CUL1: variants seen among roughly 807,000 people sequenced by gnomAD.
The protein encoded by CUL1 is cullin-1.
CUL1 carries 24 observed loss-of-function variants against 118.0 expected under a neutral mutation model. The ratio of observed to expected loss-of-function variants is 0.20; its 90% CI spans 0.15 to 0.29. The LOEUF (loss-of-function observed/expected upper bound fraction) is 0.29, where lower values mean the gene tolerates loss of function less well. CUL1 is among the 10% of genes least tolerant of loss of function. The pLI, the probability that CUL1 is intolerant of heterozygous loss-of-function variation, is 1.00. For synonymous variants in CUL1, 332 were observed against 340.4 expected, an observed-to-expected ratio of 0.98 and a Z score of 0.27; for missense variants, 361 against 933.8, an observed-to-expected ratio of 0.39 and a Z score of 7.99.
intron 2 of CUL1, among the ~76,000 whole-genome samples, chr7:148,731,504 T>C (rs1343109942): frequency 6.6e-6 from 1 of 152,224 alleles, no homozygotes; most frequent in Non-Finnish European, 1.5e-5. Context: ...ACATATAGAA[T>C]ACTTTTAAAA....
intron 1 of CUL1, among the ~76,000 whole-genome samples, chr7:148,710,513 G>A (rs1015416530): frequency 1.3e-5 from 2 of 152,148 alleles, no homozygotes; most frequent in African/African-American, 2.4e-5. Flanking sequence ...AGGTTGTGGC[G>A]AGCCGAGATC....
intron 1 of CUL1, among the ~76,000 whole-genome samples, chr7:148,728,945 T>C (rs1798670047): frequency 6.6e-6 from 1 of 152,240 alleles, no homozygotes; most frequent in Non-Finnish European, 1.5e-5. Flanking sequence ...TCTCGTTTAC[T>C]TCCCAATAAC....
chr7:148,765,309 C>T lies in CUL1; in HGVS notation c.790-1252C>T, dbSNP rs541308825. ...TGATTCATTACCAGTTGAATTTTTC[C>T]AGATTTCTCCAAAATTATACCAAAT... On this transcript the variant is annotated intron_variant, in intron 7 of 21. Transcript: ENST00000325222. Among the ~76,000 whole-genome samples, 28 of 152,040 alleles carry T rather than the reference C, an allele frequency of 1.8e-4. No homozygotes were observed. The South Asian group carries it at 3.9e-3, about 21-fold the overall frequency.
intron 9 of CUL1, among the ~76,000 whole-genome samples, chr7:148,774,254 C>T (rs2129461592): frequency 6.6e-6 from 1 of 152,226 alleles, no homozygotes; most frequent in Admixed American, 6.5e-5. Context: ...GCTAGTAACT[C>T]AGAAGAATGA....
chr7:148,791,249 G>C (rs1420508178), intron 16 of CUL1, among the ~76,000 whole-genome samples: 1 of 152,266 alleles, frequency 6.6e-6, no homozygotes, highest in South Asian at 2.1e-4. Context: ...GCATATTTTA[G>C]TCTCTGAGAA....
rs758733566 is a variant in CUL1, at chr7:148,742,840, G to A, written c.141-11136G>A. ...GCTAGTCTCAAACTCCTGACCTCAA[G>A]TGATCCACCTCCCTCAGCCTCCCAA... On this transcript the variant is annotated intron_variant, in intron 2 of 21. Coordinates refer to ENST00000325222, the MANE Select transcript of CUL1 (RefSeq NM_003592.3). Among the ~76,000 whole-genome samples the A allele has an allele frequency of 2.3e-4, 35 of 152,070 alleles. 1 individual carries two copies. Among genetic ancestry groups the A allele is most frequent in the Non-Finnish European group, 1.2e-4 (8 of 68,028 alleles).
chr7:148,796,031 A>T (rs1801187703), intron 17 of CUL1, among the ~76,000 whole-genome samples: 5 of 133,830 alleles, frequency 3.7e-5, no homozygotes, highest in Admixed American at 3.6e-4. Flanking sequence ...TGGCAAGAAC[A>T]AGCATCCTTG....
chr7:148,791,005 T>A (rs535689006), intron 16 of CUL1, among the ~76,000 whole-genome samples: 49 of 152,268 alleles, frequency 3.2e-4, no homozygotes, highest in Admixed American at 2.1e-3. Context: ...AGCCAAAATT[T>A]CAGTTAAAGT....
chr7:148,752,006 C>T (rs1440194665), intron 2 of CUL1, among the ~76,000 whole-genome samples: 1 of 151,888 alleles, frequency 6.6e-6, no homozygotes, highest in Non-Finnish European at 1.5e-5. Context: ...CACAGCTACT[C>T]GGGAGGCTGA....
At chr7:148,724,849 TTTG>T (rs1343870337) in intron 1 of CUL1, among the ~76,000 whole-genome samples, 1 of 152,142 alleles carries the variant, frequency 6.6e-6, no homozygotes, top group Non-Finnish European at 1.5e-5. Context: ...TGTTTTTTTG[TTTG>T]TTTTTTGTTT....
At chr7:148,783,755 T>C (rs759414657) in intron 9 of CUL1, 28 bp from the exon 10 acceptor site, 3 of 1,610,510 alleles carry the variant, frequency 1.9e-6, no homozygotes, top group Non-Finnish European at 1.7e-6. Context: ...ATAACCAACT[T>C]TTGTTTCTAT....
intron 1 of CUL1, among the ~76,000 whole-genome samples, chr7:148,699,673 C>T (rs1021766151): frequency 3.3e-5 from 5 of 152,170 alleles, no homozygotes; most frequent in Non-Finnish European, 1.5e-5. Flanking sequence ...TAACAGTCGC[C>T]CTTTTGCCCC....
chr7:148,751,987 G>T (rs1441440976), intron 2 of CUL1, among the ~76,000 whole-genome samples: 2 of 152,068 alleles, frequency 1.3e-5, no homozygotes, highest in East Asian at 3.9e-4. Flanking sequence ...GGTGGCGCCT[G>T]CCTGTAACCA....
At position 148,783,182 on chromosome 7, in the gene CUL1, C is replaced by G. The variant is rs199611005; in HGVS notation, c.1084-601C>G. The G allele has an allele frequency of 6.3e-5, 15 of 237,960 alleles. No individual in the cohort carries two copies. The East Asian group carries it at 2.2e-3, about 34-fold the overall frequency. The allele number at this position is 237,960 out of a possible 1,614,324, so 14.7% of individuals were successfully genotyped here. A position where few individuals can be genotyped will look rare whatever the true frequency, so the allele number is the denominator to read the frequency against. On this transcript the variant is annotated intron_variant, in intron 9 of 21. Coordinates refer to ENST00000325222, the MANE Select transcript of CUL1 (RefSeq NM_003592.3). ...CAGGAGCCTCTGCGGCCAGCCTTCC[C>G]GTTGCATTTCCATGTTGTTCCTTGT...
At chr7:148,736,624 T>G (rs80093546) in intron 2 of CUL1, among the ~76,000 whole-genome samples, 2,271 of 152,334 alleles carry the variant, frequency 0.015, 26 homozygotes, top group Non-Finnish European at 0.021. Flanking sequence ...CATAAAAATG[T>G]ACTGTGGCCC....
At chr7:148,783,711 G>C (rs1429478611) in intron 9 of CUL1, 72 bp from the exon 10 acceptor site, 1 of 1,576,918 alleles carries the variant, frequency 6.3e-7, no homozygotes, top group African/African-American at 1.4e-5. Context: ...GCTAGTACAT[G>C]CATTGTATAC....
In CUL1 at chr7:148,782,419, G is replaced by A. The variant is rs756168392; in HGVS notation, c.1084-1364G>A. 7.2e-5 allele frequency among the ~76,000 whole-genome samples: 11 copies of A among 152,266 alleles called. 1 individual carries two copies. In the South Asian group the frequency reaches 1.2e-3, roughly 17 times the overall value. The stretch of plus-strand genomic sequence containing the variant: ...AAGGCTATCTGGTAGTGCAGTTCAC[G>A]CTCTGTGTGTTTTAACATTTTTAAG... On this transcript the variant is annotated intron_variant, in intron 9 of 21. Transcript: ENST00000325222.
intron 2 of CUL1, among the ~76,000 whole-genome samples, chr7:148,738,289 A>G (rs1799027556): frequency 1.3e-5 from 2 of 152,316 alleles, no homozygotes; most frequent in African/African-American, 2.4e-5. Flanking sequence ...CACACATGGT[A>G]CCTGGCACTG....
intron 14 of CUL1, 105 bp downstream of exon 14, chr7:148,788,779 A>T: frequency 2.6e-6 from 2 of 766,990 alleles, no homozygotes; most frequent in Non-Finnish European, 4.4e-6. Context: ...TTTGTCAGAA[A>T]TTCAAGAACT....
Sources: gnomAD v4.1 joint callset for allele counts (sites outside exome capture counted in the v4.1 genomes callset) on GRCh38, gnomAD v4.1.1 for gene constraint, MANE v1.5 for transcripts, NCBI Gene and HGNC (gene_info 2026-07-23, HGNC 2026-07-21) for gene names.